Variants in LRP1B observed in about 807,000 individuals in gnomAD.
The protein encoded by LRP1B is low-density lipoprotein receptor-related protein 1B.
In LRP1B, 217 loss-of-function variants were observed where a neutral mutation model predicts 556.6. The observed-to-expected ratio is 0.39, with a 90% CI of 0.35 to 0.44. The LOEUF is 0.44. Among genes scored for constraint, LRP1B ranks in the 20% least tolerant of loss-of-function variants. The pLI is 1.00. For synonymous variants in LRP1B, 2,047 were observed against 1,865.8 expected (o/e 1.10, Z -2.50); for missense variants, 5,053 against 5,620.8 (o/e 0.90, Z 3.23).
At chr2:140,935,292 G>T (rs890157084) in intron 20 of LRP1B, among the ~76,000 whole-genome samples, 2 of 151,992 alleles carry the variant, frequency 1.3e-5, no homozygotes, top group African/African-American at 4.8e-5. Context: ...AAGAAACAAC[G>T]GATGAACAAA....
At chr2:140,967,327 C>CTCACA (rs1696258350) in intron 18 of LRP1B, among the ~76,000 whole-genome samples, 3 of 66,880 alleles carry the variant, frequency 4.5e-5, no homozygotes, top group African/African-American at 1.2e-4. Flanking sequence ...AGTTCACTCA[C>CTCACA]GATTTGGCTC....
At chr2:141,274,612 T>C (rs1685213816) in intron 3 of LRP1B, among the ~76,000 whole-genome samples, 1 of 152,186 alleles carries the variant, frequency 6.6e-6, no homozygotes, top group Admixed American at 6.5e-5. Flanking sequence ...AATGAAAATG[T>C]TCTATAATTT....
At chr2:140,875,619 T>G (rs988954088) in intron 25 of LRP1B, among the ~76,000 whole-genome samples, 1 of 152,202 alleles carries the variant, frequency 6.6e-6, no homozygotes, top group African/African-American at 2.4e-5. Flanking sequence ...GTTTTGGTAT[T>G]TGACACTTTT....
chr2:141,854,198 G>C (rs6429925), intron 1 of LRP1B, among the ~76,000 whole-genome samples: 11 of 151,766 alleles, frequency 7.2e-5, no homozygotes, highest in Non-Finnish European at 1.6e-4. Context: ...ACATGGAAGC[G>C]GCACTTACAT....
intron 21 of LRP1B, among the ~76,000 whole-genome samples, chr2:140,913,469 G>T (rs1178916475): frequency 1.3e-5 from 2 of 151,986 alleles, no homozygotes; most frequent in Non-Finnish European, 2.9e-5. Context: ...TTGAAGGATG[G>T]TAGAAAATTT....
chr2:141,636,551 A>T (rs1421780094), intron 2 of LRP1B, among the ~76,000 whole-genome samples: 1 of 152,114 alleles, frequency 6.6e-6, no homozygotes, highest in Non-Finnish European at 1.5e-5. Flanking sequence ...GAATTATGTA[A>T]TTTTTTTGGC....
At chr2:140,592,912 C>T (rs1682284651) in intron 43 of LRP1B, among the ~76,000 whole-genome samples, 1 of 147,660 alleles carries the variant, frequency 6.8e-6, no homozygotes, top group Admixed American at 6.9e-5. Flanking sequence ...TGAACTCCAG[C>T]CTGGATGACA....
intron 56 of LRP1B, among the ~76,000 whole-genome samples, chr2:140,493,690 T>C (rs980350196): frequency 6.6e-6 from 1 of 152,174 alleles, no homozygotes; most frequent in Non-Finnish European, 1.5e-5. Context: ...TGAATGTGGA[T>C]TTTTTATAAA....
intron 2 of LRP1B, among the ~76,000 whole-genome samples, chr2:141,624,884 C>T (rs923588283): frequency 2.6e-5 from 4 of 152,138 alleles, no homozygotes; most frequent in Admixed American, 2.0e-4. Flanking sequence ...ATTCTCCTGC[C>T]TCAGCCTCCC....
chr2:141,452,577 A>G (rs992451819), intron 3 of LRP1B, among the ~76,000 whole-genome samples: 1 of 152,222 alleles, frequency 6.6e-6, no homozygotes, highest in Non-Finnish European at 1.5e-5. Context: ...GCTAGCATCG[A>G]TTACACATGG....
At chr2:140,926,664 T>C (rs2105264456) in intron 20 of LRP1B, among the ~76,000 whole-genome samples, 1 of 152,288 alleles carries the variant, frequency 6.6e-6, no homozygotes, top group Non-Finnish European at 1.5e-5. Context: ...TTTTTAGGAC[T>C]CATTTGACTT....
chr2:141,413,516 T>G (rs1690936517), intron 3 of LRP1B, among the ~76,000 whole-genome samples: 1 of 152,188 alleles, frequency 6.6e-6, no homozygotes, highest in African/African-American at 2.4e-5. Context: ...ATCATAATCC[T>G]GGGAGACTTT....
intron 32 of LRP1B, among the ~76,000 whole-genome samples, chr2:140,784,387 C>T (rs1345154610): frequency 9.6e-5 from 14 of 146,572 alleles, no homozygotes; most frequent in African/African-American, 3.0e-4. Flanking sequence ...CACACACACA[C>T]ACACACACAC....
chr2:140,748,137 A>ATAT (rs1688389023), intron 35 of LRP1B, among the ~76,000 whole-genome samples: 2 of 75,048 alleles, frequency 2.7e-5, no homozygotes, highest in East Asian at 3.6e-4. Flanking sequence ...ATATATATAT[A>ATAT]ATTCATATAT....
At chr2:141,622,012 C>T in intron 2 of LRP1B, among the ~76,000 whole-genome samples, 1 of 152,094 alleles carries the variant, frequency 6.6e-6, no homozygotes, top group Non-Finnish European at 1.5e-5. Flanking sequence ...CTGCCTCAGC[C>T]TCCCGAGTAG....
At chr2:140,729,103 T>C (rs1017408114) in intron 35 of LRP1B, among the ~76,000 whole-genome samples, 1 of 152,234 alleles carries the variant, frequency 6.6e-6, no homozygotes, top group East Asian at 1.9e-4. Context: ...AATACATTGG[T>C]ATTTTCTTTG....
intron 32 of LRP1B, among the ~76,000 whole-genome samples, chr2:140,785,337 A>C (rs1419372921): frequency 6.6e-6 from 1 of 152,128 alleles, no homozygotes; most frequent in African/African-American, 2.4e-5. Context: ...ATATATAGGA[A>C]ATTGAGAGAG....
chr2:141,104,773 A>C (rs1700563836), intron 7 of LRP1B, among the ~76,000 whole-genome samples: 1 of 152,004 alleles, frequency 6.6e-6, no homozygotes, highest in African/African-American at 2.4e-5. Context: ...TGAGAATGGT[A>C]CTCCAGATTT....
chr2:140,239,602 TTTA>T lies in LRP1B; in HGVS notation c.13325-73_13325-71del, dbSNP rs760576505. ...AGTAAAAATTGATAAAACTAAGTAC[TTTA>T]TTATACCAAATCACTTGACCATTGA... is the stretch of plus-strand genomic sequence containing the variant. On this transcript the variant is annotated intron_variant, in intron 87 of 90. Transcript: ENST00000389484. 22 of 943,500 alleles carry T rather than the reference TTTA, an allele frequency of 2.3e-5. No homozygotes were observed. The Admixed American group carries it at 4.4e-4, about 19-fold the overall frequency. The allele number at this position is 943,500 out of a possible 1,614,324, so 58.4% of individuals were successfully genotyped here. A position where few individuals can be genotyped will look rare whatever the true frequency, so the allele number is the denominator to read the frequency against.
Sources: allele counts gnomAD v4.1 joint callset (sites outside exome capture counted in the v4.1 genomes callset), GRCh38; gene constraint gnomAD v4.1.1; transcripts MANE v1.5; gene names NCBI Gene and HGNC (gene_info 2026-07-23, HGNC 2026-07-21).